PDZRN4: variants seen among roughly 807,000 people sequenced by gnomAD.
PDZRN4 encodes the protein PDZ domain containing ring finger 4.
In PDZRN4, 70 loss-of-function variants were observed where a neutral mutation model predicts 99.0. That is an observed-to-expected ratio of 0.71 (90% CI 0.58 to 0.86). The LOEUF is 0.86. Among genes scored for constraint, PDZRN4 ranks in the 40% least tolerant of loss-of-function variants. PDZRN4 has a pLI of 0.00. For synonymous variants in PDZRN4, 551 were observed against 501.6 expected (o/e 1.10, Z -1.32); for missense variants, 1,474 against 1,331.2 (o/e 1.11, Z -1.67).
chr12:41,501,770 G>A (rs1938114248), intron 3 of PDZRN4, among the ~76,000 whole-genome samples: 1 of 152,088 alleles, frequency 6.6e-6, no homozygotes, highest in African/African-American at 2.4e-5. Context: ...GCCATCACTT[G>A]AATATATAAT....
At chr12:41,475,403 C>T (rs1214243269) in intron 3 of PDZRN4, among the ~76,000 whole-genome samples, 1 of 152,050 alleles carries the variant, frequency 6.6e-6, no homozygotes, top group Non-Finnish European at 1.5e-5. Flanking sequence ...CAAAATATTA[C>T]CTTAGAATTG....
At chr12:41,226,860 A>G (rs532265349) in intron 3 of PDZRN4, among the ~76,000 whole-genome samples, 4 of 152,254 alleles carry the variant, frequency 2.6e-5, no homozygotes, top group South Asian at 2.1e-4. Flanking sequence ...CCCTCTGAAG[A>G]CCTATGCATA....
At chr12:41,244,376 G>A (rs1951119548) in intron 3 of PDZRN4, among the ~76,000 whole-genome samples, 1 of 152,152 alleles carries the variant, frequency 6.6e-6, no homozygotes, top group African/African-American at 2.4e-5. Flanking sequence ...CACAACCAGA[G>A]TGTTCCTGTG....
chr12:41,302,614 G>C (rs1951543334), intron 3 of PDZRN4, among the ~76,000 whole-genome samples: 1 of 152,206 alleles, frequency 6.6e-6, no homozygotes, highest in South Asian at 2.1e-4. Flanking sequence ...ATCCGGAAAG[G>C]AAGTTAAATT....
chr12:41,331,861 C>T (rs1056567498), intron 3 of PDZRN4, among the ~76,000 whole-genome samples: 3 of 152,012 alleles, frequency 2.0e-5, no homozygotes, highest in African/African-American at 7.2e-5. Context: ...CCTCCCATGA[C>T]ACATGGGGAT....
At chr12:41,327,550 A>G (rs1951717965) in intron 3 of PDZRN4, among the ~76,000 whole-genome samples, 1 of 152,180 alleles carries the variant, frequency 6.6e-6, no homozygotes, top group African/African-American at 2.4e-5. Flanking sequence ...AATAAAACCT[A>G]TGTGTAGCTT....
At chr12:41,267,615 G>A (rs1951286978) in intron 3 of PDZRN4, among the ~76,000 whole-genome samples, 1 of 151,638 alleles carries the variant, frequency 6.6e-6, no homozygotes, top group Non-Finnish European at 1.5e-5. Flanking sequence ...GGATCACAGA[G>A]GTCAGGAGTT....
At chr12:41,300,205 T>G (rs1480578052) in intron 3 of PDZRN4, among the ~76,000 whole-genome samples, 1 of 151,982 alleles carries the variant, frequency 6.6e-6, no homozygotes, top group East Asian at 1.9e-4. Flanking sequence ...TTAGCTACTC[T>G]TTTAATATAC....
At chr12:41,376,817 G>C (rs1952085250) in intron 3 of PDZRN4, among the ~76,000 whole-genome samples, 1 of 152,104 alleles carries the variant, frequency 6.6e-6, no homozygotes, top group Non-Finnish European at 1.5e-5. Flanking sequence ...CAGTGTCAAG[G>C]AGTTTTTCCC....
intron 3 of PDZRN4, among the ~76,000 whole-genome samples, chr12:41,267,552 A>G (rs1474082935): frequency 6.6e-6 from 1 of 152,078 alleles, no homozygotes; most frequent in Non-Finnish European, 1.5e-5. Flanking sequence ...AGAAAGGGCC[A>G]GGTGCAGTGG....
intron 3 of PDZRN4, among the ~76,000 whole-genome samples, chr12:41,481,310 C>T (rs754825464): frequency 6.6e-6 from 1 of 152,010 alleles, no homozygotes; most frequent in African/African-American, 2.4e-5. Flanking sequence ...CTCTCCAATC[C>T]TCAGTTTCTC....
At chr12:41,227,902 CA>C (rs1198866818) in intron 3 of PDZRN4, among the ~76,000 whole-genome samples, 10 of 151,730 alleles carry the variant, frequency 6.6e-5, no homozygotes, top group South Asian at 2.1e-4. Context: ...CACACACACA[CA>C]CACACACACA....
In PDZRN4 at chr12:41,417,098, C is replaced by T. The variant is rs372221159; in HGVS notation, c.844-89358C>T. Among the ~76,000 whole-genome samples, 41 of 152,276 alleles carry T rather than the reference C, an allele frequency of 2.7e-4. No individual in the cohort carries two copies. In the East Asian group the frequency reaches 4.1e-3, roughly 15 times the overall value. On this transcript the variant is annotated intron_variant, in intron 3 of 9. Transcript: ENST00000402685. ...TGGAATGTTCAGAAGAATTCCATAG[C>T]TTGGTCAGTTATGATTTCCTGATAT... is the stretch of plus-strand genomic sequence containing the variant.
chr12:41,535,588 T>C (rs285557), intron 5 of PDZRN4, among the ~76,000 whole-genome samples: 60,160 of 152,000 alleles, frequency 0.4, 13,909 homozygotes, highest in African/African-American at 0.65. Context: ...GTGTTGGAAA[T>C]TTAATCTCCC....
At chr12:41,503,074 G>T (rs1421737128) in intron 3 of PDZRN4, among the ~76,000 whole-genome samples, 1 of 151,968 alleles carries the variant, frequency 6.6e-6, no homozygotes. Flanking sequence ...TATATAAAAT[G>T]GTGACCTTTT....
chr12:41,446,526 GTTT>G (rs10555918), intron 3 of PDZRN4, among the ~76,000 whole-genome samples: 1 of 149,376 alleles, frequency 6.7e-6, no homozygotes, highest in African/African-American at 2.4e-5. Flanking sequence ...AATTTAGATG[GTTT>G]TTTTTTTTAG....
intron 5 of PDZRN4, among the ~76,000 whole-genome samples, chr12:41,530,622 G>A (rs1565607167): frequency 6.6e-6 from 1 of 152,116 alleles, no homozygotes; most frequent in Admixed American, 6.5e-5. Context: ...GTTCTCTGGG[G>A]GAACTCCTGG....
intron 3 of PDZRN4, among the ~76,000 whole-genome samples, chr12:41,360,797 CA>C (rs1444454502): frequency 6.6e-6 from 1 of 151,926 alleles, no homozygotes; most frequent in Non-Finnish European, 1.5e-5. Flanking sequence ...GAAAAGTTGC[CA>C]TCTGAAATAG....
At position 41,325,301 on chromosome 12, in the gene PDZRN4, T is replaced by C. The variant is rs148259889; in HGVS notation, c.843+131113T>C. On this transcript the variant is annotated intron_variant, in intron 3 of 9. Coordinates refer to ENST00000402685, the MANE Select transcript of PDZRN4 (RefSeq NM_001164595.2). ...TAGAAATTAACATTTCTATGAAAGT[T>C]GTTTGTACCAGTGTGTTTAGATGGC... Among the ~76,000 whole-genome samples, 889 of 152,320 alleles carry C rather than the reference T, an allele frequency of 5.8e-3. 8 individuals carry two copies. The highest frequency in any genetic ancestry group is 0.02 in the African/African-American group (844 of 41,576).
Sources: gnomAD v4.1 joint callset for allele counts (sites outside exome capture counted in the v4.1 genomes callset) on GRCh38, gnomAD v4.1.1 for gene constraint, MANE v1.5 for transcripts, NCBI Gene and HGNC (gene_info 2026-07-23, HGNC 2026-07-21) for gene names.